Variants in RANBP10 observed in about 807,000 individuals in gnomAD.
The protein encoded by RANBP10 is ran-binding protein 10.
Under a neutral mutation model 72.8 loss-of-function variants are expected in RANBP10, and 24 were observed. The observed-to-expected ratio is 0.33, with a 90% CI of 0.24 to 0.46. The LOEUF is 0.46. Ranked by LOEUF, RANBP10 falls within the 20% of genes least tolerant of loss-of-function variation. The pLI, the probability that RANBP10 is intolerant of heterozygous loss-of-function variation, is 1.00. For synonymous variants in RANBP10, 310 were observed against 322.3 expected (o/e 0.96, Z 0.41); for missense variants, 679 against 817.5 (o/e 0.83, Z 2.07).
chr16:67,754,087 C>T (rs551734888), intron 3 of RANBP10, among the ~76,000 whole-genome samples: 2 of 149,564 alleles, frequency 1.3e-5, no homozygotes, highest in African/African-American at 4.9e-5. Flanking sequence ...GAGCAGAGAT[C>T]GCACCACTGC....
At chr16:67,754,317 A>C (rs1050322703) in intron 3 of RANBP10, among the ~76,000 whole-genome samples, 2 of 152,086 alleles carry the variant, frequency 1.3e-5, no homozygotes, top group African/African-American at 4.8e-5. Flanking sequence ...GATGGGGAAC[A>C]CTCATTAAAC....
intron 2 of RANBP10, among the ~76,000 whole-genome samples, chr16:67,773,554 C>T (rs1219849267): frequency 6.6e-6 from 1 of 152,096 alleles, no homozygotes; most frequent in African/African-American, 2.4e-5. Context: ...CCTCTACTAC[C>T]AAAATAAAGG....
chr16:67,796,403 T>C (rs1011741051), intron 2 of RANBP10, among the ~76,000 whole-genome samples: 12 of 152,186 alleles, frequency 7.9e-5, no homozygotes, highest in Admixed American at 7.9e-4. Flanking sequence ...GGTTCAGCTC[T>C]GCCTTGGGAC....
At chr16:67,740,252 G>A (rs751491573) in intron 4 of RANBP10, among the ~76,000 whole-genome samples, 7 of 151,968 alleles carry the variant, frequency 4.6e-5, no homozygotes, top group African/African-American at 9.7e-5. Flanking sequence ...ACAAGTGCCC[G>A]CCATCATGCC....
intron 4 of RANBP10, among the ~76,000 whole-genome samples, chr16:67,741,003 G>A (rs1471667473): frequency 6.6e-6 from 1 of 152,154 alleles, no homozygotes; most frequent in East Asian, 1.9e-4. Flanking sequence ...GCTCATGGAG[G>A]AGTCCCCAAG....
At chr16:67,734,008 G>T (rs1429031490) in intron 6 of RANBP10, among the ~76,000 whole-genome samples, 1 of 152,208 alleles carries the variant, frequency 6.6e-6, no homozygotes, top group Non-Finnish European at 1.5e-5. Context: ...TGAACAAGAG[G>T]CAGCAATGCT....
Position 67,726,567 on chromosome 16 carries a change from G to GA in RANBP10, c.1733-10dup. 6.4e-7 allele frequency: 1 copy of GA among 1,550,622 alleles called. No homozygotes were observed. The highest frequency in any genetic ancestry group is 8.7e-7 in the Non-Finnish European group (1 of 1,146,488). On this transcript the variant is annotated splice_polypyrimidine_tract_variant and intron_variant, in intron 13 of 13. Coordinates refer to ENST00000317506, the MANE Select transcript of RANBP10 (RefSeq NM_020850.3). ...TGGCAGGTTCTGGGACTCTGTGGAGGAAAGACAAGGCCTGGTCACTGGCCT... is the reference window on the plus strand; with the variant it reads ...TGGCAGGTTCTGGGACTCTGTGGAGGAAAAGACAAGGCCTGGTCACTGGCCT...
At chr16:67,794,486 G>A (rs575142091) in intron 2 of RANBP10, among the ~76,000 whole-genome samples, 10 of 150,710 alleles carry the variant, frequency 6.6e-5, no homozygotes, top group South Asian at 6.3e-4. Context: ...TTTTTTAAAC[G>A]TAGACTTTAT....
Position 67,725,973 on chromosome 16 carries a change from TA to T in RANBP10, c.*454del, listed in dbSNP as rs199972330. On this transcript the variant is annotated 3_prime_UTR_variant, in exon 14 of 14. Transcript: ENST00000317506. Reference sequence around the variant, plus strand: ...TCTTTTTTTTTAATATATATATTTTTATATATATATATATAATCTCATTTGT... The same window carrying T: ...TCTTTTTTTTTAATATATATATTTTTTATATATATATATAATCTCATTTGT... The T allele has an allele frequency of 0.017, 2,536 of 147,294 alleles. 39 individuals carry two copies. Among genetic ancestry groups the T allele is most frequent in the Middle Eastern group, 0.11 (29 of 276 alleles). 9.1% of individuals were successfully genotyped at this position (147,294 alleles called of 1,614,324 possible).
At chr16:67,772,585 G>C (rs181419825) in intron 2 of RANBP10, among the ~76,000 whole-genome samples, 245 of 152,234 alleles carry the variant, frequency 1.6e-3, no homozygotes, top group Non-Finnish European at 3.0e-3. Context: ...TGTTCTCTGG[G>C]TCTCAAAATT....
intron 2 of RANBP10, among the ~76,000 whole-genome samples, chr16:67,774,929 G>A (rs1370618716): frequency 6.6e-6 from 1 of 152,158 alleles, no homozygotes. Context: ...ACTTTAAATG[G>A]TGACTTGTAT....
chr16:67,773,218 G>A (rs562135385), intron 2 of RANBP10, among the ~76,000 whole-genome samples: 15 of 152,210 alleles, frequency 9.9e-5, no homozygotes, highest in South Asian at 2.1e-4. Context: ...ATGTTCCTGC[G>A]AGATCTGGTT....
chr16:67,775,387 G>T (rs2054685503), intron 2 of RANBP10, among the ~76,000 whole-genome samples: 1 of 152,162 alleles, frequency 6.6e-6, no homozygotes, highest in African/African-American at 2.4e-5. Flanking sequence ...CATCTAAGAT[G>T]CCTGCTTTCA....
At chr16:67,743,565 ACT>A (rs1305511849) in intron 4 of RANBP10, among the ~76,000 whole-genome samples, 2 of 152,026 alleles carry the variant, frequency 1.3e-5, no homozygotes, top group Non-Finnish European at 2.9e-5. Flanking sequence ...ATCCTCTTCC[ACT>A]GATTGCTATT....
intron 2 of RANBP10, among the ~76,000 whole-genome samples, chr16:67,782,475 G>A (rs2054830837): frequency 6.7e-6 from 1 of 149,362 alleles, no homozygotes; most frequent in African/African-American, 2.5e-5. Context: ...TTTTAGAGAC[G>A]AAGTCTTGCT....
At chr16:67,762,976 T>G (rs1352140028) in intron 3 of RANBP10, among the ~76,000 whole-genome samples, 2 of 151,830 alleles carry the variant, frequency 1.3e-5, no homozygotes, top group African/African-American at 4.8e-5. Context: ...CAAGGTTGAG[T>G]GGGGATCAAG....
At chr16:67,744,823 T>G (rs1221792592) in intron 3 of RANBP10, among the ~76,000 whole-genome samples, 1 of 151,926 alleles carries the variant, frequency 6.6e-6, no homozygotes, top group Non-Finnish European at 1.5e-5. Flanking sequence ...GTTTAAAATG[T>G]TTTTTTTGTT....
At chr16:67,728,251 G>T in intron 11 of RANBP10, 139 bp downstream of exon 11, 2 of 930,280 alleles carry the variant, frequency 2.1e-6, no homozygotes, top group Non-Finnish European at 3.2e-6. Context: ...TTCACAATCG[G>T]CTAAGGAGGC....
intron 6 of RANBP10, among the ~76,000 whole-genome samples, chr16:67,732,115 C>T (rs900817290): frequency 2.6e-5 from 4 of 152,172 alleles, no homozygotes; most frequent in Non-Finnish European, 5.9e-5. Context: ...GTGAACCTGC[C>T]CTCAGCAGTT....
Sources: gnomAD v4.1 joint callset for allele counts (sites outside exome capture counted in the v4.1 genomes callset) on GRCh38, gnomAD v4.1.1 for gene constraint, MANE v1.5 for transcripts, NCBI Gene and HGNC (gene_info 2026-07-23, HGNC 2026-07-21) for gene names.